Variants in CACNA1C observed in about 807,000 individuals in gnomAD.
The protein encoded by CACNA1C is voltage-dependent L-type calcium channel subunit alpha-1C.
In CACNA1C, 30 loss-of-function variants were observed where a neutral mutation model predicts 229.0. The ratio of observed to expected loss-of-function variants is 0.13; its 90% CI spans 0.10 to 0.18. The LOEUF is 0.18. Among genes scored for constraint, CACNA1C ranks in the 10% least tolerant of loss-of-function variants. The pLI is 1.00. For missense variants in CACNA1C, 1,658 were observed against 2,845.0 expected (o/e 0.58, Z 9.49); for synonymous variants, 1,114 against 1,132.5 (o/e 0.98, Z 0.33).
chr12:2,019,589 A>G (rs965682049), intron 1 of CACNA1C, among the ~76,000 whole-genome samples: 28 of 143,072 alleles, frequency 2.0e-4, no homozygotes, highest in Non-Finnish European at 3.7e-4. Flanking sequence ...GAGAGAGAGA[A>G]AGAAAGAGAA....
At chr12:2,556,854 T>C (rs2044589722) in intron 10 of CACNA1C, 97 bp from the exon 11 acceptor site, 1 of 991,726 alleles carries the variant, frequency 1.0e-6, no homozygotes, top group African/African-American at 1.6e-5. Flanking sequence ...CCACACGAAA[T>C]TACCTGGGGA....
chr12:2,106,282 A>G (rs12813716), intron 1 of CACNA1C, among the ~76,000 whole-genome samples: 854 of 19,894 alleles, frequency 0.043, 138 homozygotes, highest in African/African-American at 0.097. Flanking sequence ...CCCGGGGAGG[A>G]TTTCTACCTC....
At chr12:2,466,972 C>T (rs1392578090) in intron 5 of CACNA1C, among the ~76,000 whole-genome samples, 1 of 152,150 alleles carries the variant, frequency 6.6e-6, no homozygotes, top group Non-Finnish European at 1.5e-5. Flanking sequence ...TTTTTATCCC[C>T]TTTGTCTTAT....
At chr12:2,473,040 G>T (rs1203477787) in intron 5 of CACNA1C, among the ~76,000 whole-genome samples, 1 of 152,202 alleles carries the variant, frequency 6.6e-6, no homozygotes, top group Non-Finnish European at 1.5e-5. Flanking sequence ...AGGTGCCCTT[G>T]CAGTGTCAGA....
chr12:2,338,384 A>T (rs971194782), intron 3 of CACNA1C, among the ~76,000 whole-genome samples: 3 of 152,112 alleles, frequency 2.0e-5, no homozygotes, highest in African/African-American at 7.2e-5. Flanking sequence ...TCTGTCTGAG[A>T]TAGATGCCAA....
At position 2,581,785 on chromosome 12, in the gene CACNA1C, C is replaced by T; in HGVS notation, c.2091C>T (p.Leu697=). Residue 697 remains leucine, a synonymous_variant, in exon 14 of 47, where the codon CTC becomes CTT. Transcript: ENST00000399655. ...TCGATAACTTCCCCCAGTCCCTCCT[C>T]ACTGTGTTTCAGGTATGGACTCTTC... ...STFDNFPQSL[L]TVFQILTGED... 2 of 1,603,320 alleles carry T rather than the reference C, an allele frequency of 1.2e-6. No homozygotes were observed. Among genetic ancestry groups the T allele is most frequent in the Non-Finnish European group, 1.7e-6 (2 of 1,170,730 alleles).
intron 1 of CACNA1C, among the ~76,000 whole-genome samples, chr12:2,012,552 C>T (rs1275421898): frequency 1.3e-5 from 2 of 152,230 alleles, no homozygotes; most frequent in Admixed American, 1.3e-4. Flanking sequence ...GTGAGTTATA[C>T]TGAGGACTCT....
chr12:2,575,473 C>G lies in CACNA1C; in HGVS notation c.1896-6117C>G, dbSNP rs1242221362. 6.6e-6 allele frequency among the ~76,000 whole-genome samples: 1 copy of G among 152,146 alleles called. No homozygotes were observed. Among genetic ancestry groups the G allele is most frequent in the East Asian group, 1.9e-4 (1 of 5,198 alleles). ...TGCTCTGAGGACACCCCCTCCTGTG[C>G]TCACTTGCTGGATGGATTCTACCTG... On this transcript the variant is annotated intron_variant, in intron 13 of 46. Coordinates refer to ENST00000399655, the MANE Select transcript of CACNA1C (RefSeq NM_000719.7). This position sits in a 1 kb window ranked among gnomAD's most constrained non-coding sequence, Gnocchi z 4.0.
intron 8 of CACNA1C, among the ~76,000 whole-genome samples, chr12:2,506,929 C>T (rs1299951418): frequency 6.6e-6 from 1 of 152,058 alleles, no homozygotes. Context: ...AGCGTCTGCC[C>T]AGGAATCAAA....
In CACNA1C at chr12:2,682,593, G is replaced by A; in HGVS notation, c.5488G>A (p.Glu1830Lys). 1 of 1,612,640 alleles carries A rather than the reference G, an allele frequency of 6.2e-7. No homozygotes were observed. Among genetic ancestry groups the A allele is most frequent in the Non-Finnish European group, 8.5e-7 (1 of 1,179,514 alleles). The change falls in exon 43 of 47, where the codon GAG (glutamate) becomes AAG (lysine). Residue 1830 changes from glutamate (E) to lysine (K), a missense_variant. Transcript: ENST00000399655. ...CCAGGCAGCCATGGCGGGTCAGGAG[G>A]AGACGTCTCAGGATGAGACCTATGA... is the stretch of plus-strand genomic sequence containing the variant. The part of the protein sequence containing the change: ...ESQAAMAGQE[E>K]TSQDETYEVK...
chr12:2,516,130 CA>C (rs1218544307), intron 9 of CACNA1C, among the ~76,000 whole-genome samples: 2 of 152,016 alleles, frequency 1.3e-5, no homozygotes, highest in Admixed American at 6.6e-5. Context: ...ACGATCGAGG[CA>C]GCATTGGAAT....
At chr12:2,485,119 G>A (rs1320014993) in intron 5 of CACNA1C, among the ~76,000 whole-genome samples, 8 of 152,240 alleles carry the variant, frequency 5.3e-5, no homozygotes, top group South Asian at 4.2e-4. Flanking sequence ...GACACAAAAA[G>A]TGACCTGTGT....
intron 3 of CACNA1C, among the ~76,000 whole-genome samples, chr12:2,306,312 G>A (rs902767210): frequency 2.6e-5 from 4 of 152,348 alleles, no homozygotes; most frequent in South Asian, 4.1e-4. Flanking sequence ...GCGCTCTGCC[G>A]TCTGACACCT....
At chr12:2,690,795 C>CAAGTGACCTACCA in intron 46 of CACNA1C, 105 bp from the exon 47 acceptor site, 3 of 1,164,672 alleles carry the variant, frequency 2.6e-6, no homozygotes, top group Non-Finnish European at 3.6e-6. Flanking sequence ...CACACTTCCC[C>CAAGTGACCTACCA]AAGTGACCTA....
intron 1 of CACNA1C, among the ~76,000 whole-genome samples, chr12:2,045,232 G>A (rs182433583): frequency 1.3e-5 from 2 of 152,288 alleles, no homozygotes; most frequent in African/African-American, 2.4e-5. Flanking sequence ...AAAGAGAAGA[G>A]AGAACATTTA....
intron 13 of CACNA1C, among the ~76,000 whole-genome samples, chr12:2,580,369 G>A (rs1240420305): frequency 6.6e-6 from 1 of 152,198 alleles, no homozygotes; most frequent in African/African-American, 2.4e-5. Flanking sequence ...CTGCAGAGAT[G>A]AGCCCAGGCT....
At position 2,275,398 on chromosome 12, in the gene CACNA1C, C is replaced by T. The variant is rs1309818024; in HGVS notation, c.477+154968C>T. Among the ~76,000 whole-genome samples, 2 of 152,122 alleles carry T rather than the reference C, an allele frequency of 1.3e-5. No homozygotes were observed. The highest frequency in any genetic ancestry group is 2.4e-5 in the African/African-American group (1 of 41,410). Reference sequence around the variant, plus strand: ...GCTGGCTGTGTCTTCCCGGAAGGCTCGTGCCCGCACAGATTGTCTGGTGAG... The same window carrying T: ...GCTGGCTGTGTCTTCCCGGAAGGCTTGTGCCCGCACAGATTGTCTGGTGAG... On this transcript the variant is annotated intron_variant, in intron 3 of 46. Transcript: ENST00000399655. The surrounding 1 kb of genome is among the most constrained non-coding windows in gnomAD (Gnocchi z 4.1).
intron 5 of CACNA1C, among the ~76,000 whole-genome samples, chr12:2,458,080 G>A (rs1251109610): frequency 6.6e-6 from 1 of 152,196 alleles, no homozygotes; most frequent in South Asian, 2.1e-4. Flanking sequence ...TAGCCAATGA[G>A]ATTATCTCTA....
intron 1 of CACNA1C, among the ~76,000 whole-genome samples, chr12:2,023,722 A>G (rs2046854771): frequency 6.6e-6 from 1 of 152,176 alleles, no homozygotes; most frequent in African/African-American, 2.4e-5. Context: ...GTCCAGTTTG[A>G]CAAAAATGTG....
Sources: allele counts gnomAD v4.1 joint callset (sites outside exome capture counted in the v4.1 genomes callset), GRCh38; gene constraint gnomAD v4.1.1; non-coding constraint Gnocchi (gnomAD v3.1); transcripts MANE v1.5; gene names NCBI Gene and HGNC (gene_info 2026-07-23, HGNC 2026-07-21).